Variants in P2RY8 observed in about 807,000 individuals in gnomAD.
P2RY8 encodes the protein P2Y receptor family member 8, also known as S-geranylgeranyl-glutathione receptor P2RY8.
Under a neutral mutation model 10.0 loss-of-function variants are expected in P2RY8, and 6 were observed. The observed-to-expected ratio is 0.60, with a 90% CI of 0.33 to 1.19. P2RY8 has a LOEUF of 1.19. Among genes scored for constraint, P2RY8 ranks in the 50% most tolerant of loss-of-function variants. P2RY8 has a pLI of 0.04. For missense variants in P2RY8, 456 were observed against 542.0 expected, an observed-to-expected ratio of 0.84 and a Z score of 1.58; for synonymous variants, 276 against 252.5, an observed-to-expected ratio of 1.09 and a Z score of -0.88.
chrX:1,465,626 G>C lies in P2RY8; in HGVS notation c.933C>G (p.Arg311=). 6.2e-7 allele frequency: 1 copy of C among 1,613,368 alleles called. No individual in the cohort carries two copies. The highest frequency in any genetic ancestry group is 1.1e-5 in the South Asian group (1 of 91,078). The part of the protein sequence containing the change: ...QLRLREYLGC[R]RVPRDTLDTR... ...TGTCCAGGGTGTCTCTGGGCACCCG[G>C]CGGCAGCCCAAATATTCCCGCAGGC... Residue 311 remains arginine (R), a synonymous_variant, in exon 2 of 2, where the codon CGC becomes CGG. Transcript: ENST00000381297.
chrX:1,488,660 C>G (rs1245319749), intron 1 of P2RY8, among the ~76,000 whole-genome samples: 2 of 152,058 alleles, frequency 1.3e-5, no homozygotes, highest in African/African-American at 4.8e-5. Flanking sequence ...CACCAGGTAC[C>G]TGCTGCAAAC....
chrX:1,491,842 G>C (rs1156265294), intron 1 of P2RY8, among the ~76,000 whole-genome samples: 3 of 152,196 alleles, frequency 2.0e-5, no homozygotes, highest in Non-Finnish European at 2.9e-5. Flanking sequence ...CAGAGCGAAT[G>C]AGTGATGGAA....
intron 1 of P2RY8, among the ~76,000 whole-genome samples, chrX:1,530,873 T>C (rs1434243667): frequency 1.3e-5 from 2 of 151,996 alleles, no homozygotes; most frequent in Non-Finnish European, 2.9e-5. Context: ...GTCTATTCTA[T>C]CTCTCATCTA....
At chrX:1,486,328 C>T (rs1268634925) in intron 1 of P2RY8, among the ~76,000 whole-genome samples, 1 of 152,170 alleles carries the variant, frequency 6.6e-6, no homozygotes, top group African/African-American at 2.4e-5. Context: ...CGTCAACAGA[C>T]AGACAGATAA....
chrX:1,479,884 G>A (rs1379939674), intron 1 of P2RY8, among the ~76,000 whole-genome samples: 12 of 152,260 alleles, frequency 7.9e-5, no homozygotes, highest in Non-Finnish European at 1.8e-4. Context: ...CCATAAAATT[G>A]ATCACCTAGA....
chrX:1,500,913 C>T (rs757119000), intron 1 of P2RY8, among the ~76,000 whole-genome samples: 6 of 152,262 alleles, frequency 3.9e-5, no homozygotes, highest in African/African-American at 1.4e-4. Flanking sequence ...GGAGACACAA[C>T]CTCCCCGCCA....
chrX:1,479,274 G>A lies in P2RY8; in HGVS notation c.-24-12692C>T, dbSNP rs189743203. On this transcript the variant is annotated intron_variant, in intron 1 of 1. Transcript: ENST00000381297. ...ATTTTGCATAGTAGGACATACACCC[G>A]TCACCACTTTTGTGAATGTCTTGTG... 4.3e-3 allele frequency among the ~76,000 whole-genome samples: 658 copies of A among 152,298 alleles called. 4 individuals carry two copies. Among genetic ancestry groups the A allele is most frequent in the Non-Finnish European group, 7.7e-3 (524 of 68,024 alleles).
chrX:1,508,727 T>TA lies in P2RY8; in HGVS notation c.-25+28193dup, dbSNP rs1273854020. ...CATTCTATCTATCTATCTATCTATC[T>TA]ATCTATCTATCTATCTATCTATCTA... is the stretch of plus-strand genomic sequence containing the variant. On this transcript the variant is annotated intron_variant, in intron 1 of 1. Transcript: ENST00000381297. Among the ~76,000 whole-genome samples the TA allele has an allele frequency of 9.1e-4, 131 of 143,444 alleles. 3 individuals are homozygous for TA. In the Middle Eastern group the frequency reaches 0.076, roughly 83 times the overall value. 94.1% of individuals were successfully genotyped at this position (143,444 alleles called of 152,430 possible).
intron 1 of P2RY8, among the ~76,000 whole-genome samples, chrX:1,472,907 T>C (rs2091811393): frequency 9.0e-6 from 1 of 111,182 alleles, no homozygotes; most frequent in Non-Finnish European, 1.8e-5. Context: ...GGATGATGAA[T>C]GGATGTGGAT....
At chrX:1,498,302 A>G (rs76637016) in intron 1 of P2RY8, among the ~76,000 whole-genome samples, 59,470 of 145,294 alleles carry the variant, frequency 0.41, 12,702 homozygotes, top group Admixed American at 0.55. Flanking sequence ...GCTACTCGGG[A>G]GGCTGAGGCA....
chrX:1,509,137 ATCT>A (rs2092268218), intron 1 of P2RY8, among the ~76,000 whole-genome samples: 1 of 144,586 alleles, frequency 6.9e-6, no homozygotes, highest in East Asian at 2.1e-4. Flanking sequence ...CTATCTATCT[ATCT>A]ATCATCTATG....
chrX:1,510,595 C>T (rs1312994156), intron 1 of P2RY8, among the ~76,000 whole-genome samples: 1 of 152,132 alleles, frequency 6.6e-6, no homozygotes, highest in Non-Finnish European at 1.5e-5. Context: ...CCCCTTTTGA[C>T]AGCCAGGCGC....
chrX:1,493,372 A>AG (rs2092076343), intron 1 of P2RY8, among the ~76,000 whole-genome samples: 3 of 27,096 alleles, frequency 1.1e-4, no homozygotes, highest in African/African-American at 2.8e-4. Context: ...AGGGGGAGGG[A>AG]GGAAGGAGGA....
chrX:1,525,470 G>A (rs1232371221), intron 1 of P2RY8, among the ~76,000 whole-genome samples: 42 of 152,256 alleles, frequency 2.8e-4, no homozygotes, highest in Non-Finnish European at 5.4e-4. Flanking sequence ...GCCCAGGGAC[G>A]TCAAGGATGG....
At chrX:1,509,223 CTATT>C (rs1345383083) in intron 1 of P2RY8, among the ~76,000 whole-genome samples, 7 of 146,834 alleles carry the variant, frequency 4.8e-5, no homozygotes, top group African/African-American at 7.5e-5. Flanking sequence ...AGCCATCCAT[CTATT>C]TATCTCTCTA....
chrX:1,503,486 C>T (rs1480943606), intron 1 of P2RY8, among the ~76,000 whole-genome samples: 2 of 152,158 alleles, frequency 1.3e-5, no homozygotes, highest in East Asian at 1.9e-4. Flanking sequence ...GCCAGCTGGG[C>T]GTAGTGGTTC....
Position 1,493,096 on chromosome X carries a change from G to A in P2RY8, c.-24-26514C>T, listed in dbSNP as rs2092069837. On this transcript the variant is annotated intron_variant, in intron 1 of 1. Transcript: ENST00000381297. ...AGGTCGGGAGTTCGAGATCAGCCTG[G>A]TCAACATAGTGAGACCCCATCTCTA... Among the ~76,000 whole-genome samples the A allele has an allele frequency of 4.6e-5, 7 of 151,130 alleles. No individual in the cohort carries two copies. In the South Asian group the frequency reaches 1.5e-3, roughly 32 times the overall value.
intron 1 of P2RY8, among the ~76,000 whole-genome samples, chrX:1,469,620 G>A (rs763527496): frequency 6.6e-6 from 1 of 152,020 alleles, no homozygotes; most frequent in Non-Finnish European, 1.5e-5. Flanking sequence ...AGCCGGGCAC[G>A]GTGGCTCACA....
Position 1,537,147 on chromosome X carries a change from C to T in P2RY8, c.-251G>A, listed in dbSNP as rs1449754135. The T allele has an allele frequency of 4.3e-5, 10 of 232,602 alleles. No homozygotes were observed. Among genetic ancestry groups the T allele is most frequent in the African/African-American group, 8.8e-5 (4 of 45,276 alleles). 14.4% of individuals were successfully genotyped at this position (232,602 alleles called of 1,614,324 possible). ...AGCAACCTTGCAAAGGCGGCCGCTT[C>T]GCTGGGTGGCCCACCGGCTGGCACG... On this transcript the variant is annotated 5_prime_UTR_variant, in exon 1 of 2. Coordinates refer to ENST00000381297, the MANE Select transcript of P2RY8 (RefSeq NM_178129.5).
Sources: allele counts gnomAD v4.1 joint callset (sites outside exome capture counted in the v4.1 genomes callset), GRCh38; gene constraint gnomAD v4.1.1; transcripts MANE v1.5; gene names NCBI Gene and HGNC (gene_info 2026-07-23, HGNC 2026-07-21).